Variants in HDAC9 observed in about 807,000 individuals in gnomAD.
The protein encoded by HDAC9 is histone deacetylase 9.
HDAC9 carries 41 observed loss-of-function variants against 139.4 expected under a neutral mutation model. That is an observed-to-expected ratio of 0.29 (90% CI 0.23 to 0.38). HDAC9 has a LOEUF of 0.38. Among genes scored for constraint, HDAC9 ranks in the 10% least tolerant of loss-of-function variants. The pLI, the probability that HDAC9 is intolerant of heterozygous loss-of-function variation, is 1.00. For synonymous variants in HDAC9, 517 were observed against 476.2 expected (o/e 1.09, Z -1.12); for missense variants, 1,147 against 1,297.0 (o/e 0.88, Z 1.78).
intron 2 of HDAC9, among the ~76,000 whole-genome samples, chr7:18,279,078 T>C (rs1248897281): frequency 6.6e-6 from 1 of 152,180 alleles, no homozygotes; most frequent in African/African-American, 2.4e-5. Context: ...AATTCATCAT[T>C]CAATAAAGTA....
chr7:18,489,736 C>G (rs759353996), intron 1 of HDAC9, among the ~76,000 whole-genome samples: 1 of 151,962 alleles, frequency 6.6e-6, no homozygotes, highest in Non-Finnish European at 1.5e-5. Flanking sequence ...AATAAACTTC[C>G]CTTGATTCTA....
At chr7:18,270,817 C>T (rs1398017550) in intron 2 of HDAC9, among the ~76,000 whole-genome samples, 2 of 152,000 alleles carry the variant, frequency 1.3e-5, no homozygotes, top group African/African-American at 2.4e-5. Flanking sequence ...AATAGAAAAC[C>T]AGCCAAGTCT....
intron 2 of HDAC9, chr7:18,509,485 C>T (rs1800804107): frequency 1.0e-6 from 1 of 974,604 alleles, no homozygotes; most frequent in Non-Finnish European, 1.2e-6. Flanking sequence ...GTGATTATCT[C>T]ATTCAATCAG....
chr7:18,544,135 A>G (rs1404703994), intron 2 of HDAC9, among the ~76,000 whole-genome samples: 1 of 152,222 alleles, frequency 6.6e-6, no homozygotes, highest in Non-Finnish European at 1.5e-5. Context: ...ATGGTCAGCT[A>G]GAGGCTGTCA....
intron 24 of HDAC9, among the ~76,000 whole-genome samples, chr7:18,955,865 G>A (rs1783110500): frequency 1.3e-5 from 2 of 152,136 alleles, no homozygotes; most frequent in Non-Finnish European, 2.9e-5. Context: ...TGAAGAAAGA[G>A]TGAAAATGCT....
At chr7:18,899,826 A>G (rs1283914088) in intron 22 of HDAC9, among the ~76,000 whole-genome samples, 2 of 152,110 alleles carry the variant, frequency 1.3e-5, no homozygotes, top group Admixed American at 1.3e-4. Flanking sequence ...CAAGCTTCAT[A>G]CTATCTGTGA....
chr7:18,456,487 G>A (rs1446972263), intron 1 of HDAC9, among the ~76,000 whole-genome samples: 5 of 152,000 alleles, frequency 3.3e-5, no homozygotes, highest in Non-Finnish European at 7.4e-5. Flanking sequence ...CACCCACGTC[G>A]GCCTCCCAAA....
At chr7:18,920,758 G>C in intron 22 of HDAC9, among the ~76,000 whole-genome samples, 1 of 152,046 alleles carries the variant, frequency 6.6e-6, no homozygotes, top group Non-Finnish European at 1.5e-5. Flanking sequence ...TAATCATGTG[G>C]TTTTTGTCTT....
In HDAC9 at chr7:18,853,105, G is replaced by A. The variant is rs888150835; in HGVS notation, c.2684+17108G>A. Among the ~76,000 whole-genome samples, 16 of 152,122 alleles carry A rather than the reference G, an allele frequency of 1.1e-4. 1 individual carries two copies. Among genetic ancestry groups the A allele is most frequent in the Admixed American group, 1.0e-3 (16 of 15,260 alleles). The stretch of plus-strand genomic sequence containing the variant: ...CTAGTCCCTGAGTCGGCCTGGCTCC[G>A]ACTTTCCACCGAAGGGGTAGAGTTG... On this transcript the variant is annotated intron_variant, in intron 21 of 25. Coordinates refer to ENST00000686413, the MANE Select transcript of HDAC9 (RefSeq NM_178425.4).
intron 2 of HDAC9, among the ~76,000 whole-genome samples, chr7:18,241,465 C>T (rs1794184164): frequency 6.6e-6 from 1 of 152,150 alleles, no homozygotes; most frequent in South Asian, 2.1e-4. Flanking sequence ...CTGTGTACAG[C>T]TGTTTCTATG....
At chr7:18,208,482 T>C (rs564163059) in intron 2 of HDAC9, among the ~76,000 whole-genome samples, 15 of 151,788 alleles carry the variant, frequency 9.9e-5, no homozygotes, top group African/African-American at 2.7e-4. Context: ...CTCAAGTGAT[T>C]CTACTACCTC....
chr7:18,542,963 T>G (rs1429496702), intron 2 of HDAC9, among the ~76,000 whole-genome samples: 1 of 152,230 alleles, frequency 6.6e-6, no homozygotes, highest in Admixed American at 6.5e-5. Context: ...ATTTATGTCA[T>G]GCAATATGTA....
At chr7:18,766,936 A>G (rs1789879624) in intron 15 of HDAC9, among the ~76,000 whole-genome samples, 170 bp from the exon 16 acceptor site, 1 of 152,226 alleles carries the variant, frequency 6.6e-6, no homozygotes, top group African/African-American at 2.4e-5. Context: ...AGGCAGAACA[A>G]TGATATTCTG....
chr7:18,461,847 C>T (rs894605490), intron 1 of HDAC9, among the ~76,000 whole-genome samples: 3 of 152,064 alleles, frequency 2.0e-5, no homozygotes, highest in African/African-American at 7.2e-5. Flanking sequence ...TAGTCAGTTT[C>T]CTATGATGAT....
intron 6 of HDAC9, among the ~76,000 whole-genome samples, chr7:18,600,498 A>G (rs1833666854): frequency 6.6e-6 from 1 of 152,160 alleles, no homozygotes; most frequent in African/African-American, 2.4e-5. Context: ...TGTTTTCCAT[A>G]TCGGTGTCCA....
At chr7:18,578,776 A>C (rs934967303) in intron 2 of HDAC9, among the ~76,000 whole-genome samples, 3 of 152,212 alleles carry the variant, frequency 2.0e-5, no homozygotes, top group Non-Finnish European at 2.9e-5. Flanking sequence ...CAAAGACTGC[A>C]ATGTGCTACT....
In HDAC9 at chr7:18,609,834, A is replaced by G. The variant is rs1291553281; in HGVS notation, c.664+15805A>G. Among the ~76,000 whole-genome samples, 3 of 136,860 alleles carry G rather than the reference A, an allele frequency of 2.2e-5. No individual in the cohort carries two copies. The East Asian group carries it at 6.5e-4, about 30-fold the overall frequency. 89.8% of individuals were successfully genotyped at this position (136,860 alleles called of 152,430 possible). ...TGTGATGTTCCGTTTCCTGTGTCCAAGTGTTCTCATTGTTCAGTTCCCACC... is the reference window on the plus strand; with the variant it reads ...TGTGATGTTCCGTTTCCTGTGTCCAGGTGTTCTCATTGTTCAGTTCCCACC... On this transcript the variant is annotated intron_variant, in intron 6 of 25. Coordinates refer to ENST00000686413, the MANE Select transcript of HDAC9 (RefSeq NM_178425.4).
At chr7:18,428,759 A>G (rs1335086042) in intron 1 of HDAC9, among the ~76,000 whole-genome samples, 1 of 152,168 alleles carries the variant, frequency 6.6e-6, no homozygotes, top group African/African-American at 2.4e-5. Flanking sequence ...TCTGCCTCAG[A>G]GTAAAAGCAA....
intron 13 of HDAC9, among the ~76,000 whole-genome samples, chr7:18,729,724 T>A (rs1442225433): frequency 6.6e-6 from 1 of 152,206 alleles, no homozygotes; most frequent in Non-Finnish European, 1.5e-5. Context: ...TATCAAAGCA[T>A]GTATTCCAAA....
Sources: gnomAD v4.1 joint callset for allele counts (sites outside exome capture counted in the v4.1 genomes callset) on GRCh38, gnomAD v4.1.1 for gene constraint, MANE v1.5 for transcripts, NCBI Gene and HGNC (gene_info 2026-07-23, HGNC 2026-07-21) for gene names.